Variants in DPYD observed in about 807,000 individuals in gnomAD.
The protein encoded by DPYD is dihydropyrimidine dehydrogenase, also known as dihydropyrimidine dehydrogenase [NADP(+)].
In DPYD, 109 loss-of-function variants were observed where a neutral mutation model predicts 116.2. The ratio of observed to expected loss-of-function variants is 0.94; its 90% CI spans 0.80 to 1.10. DPYD has a LOEUF of 1.10. Among genes scored for constraint, DPYD ranks in the 50% least tolerant of loss-of-function variants. The probability of loss-of-function intolerance (pLI) is 0.00; values close to 1 mark genes in which losing one functional copy is unlikely to be tolerated. For missense variants in DPYD, 1,302 were observed against 1,254.5 expected (o/e 1.04, Z -0.57); for synonymous variants, 440 against 432.0 (o/e 1.02, Z -0.23).
chr1:97,574,006 T>C (rs941640768), intron 10 of DPYD, 36 bp from the exon 11 acceptor site: 1 of 1,608,326 alleles, frequency 6.2e-7, no homozygotes, highest in East Asian at 2.2e-5. Context: ...AACTTGAAAA[T>C]GTTTCTTATT....
chr1:97,447,673 T>C lies in DPYD; in HGVS notation c.1905+2386A>G, dbSNP rs554126303. On this transcript the variant is annotated intron_variant, in intron 14 of 22. Coordinates refer to ENST00000370192, the MANE Select transcript of DPYD (RefSeq NM_000110.4). ...CTGAAAAGAATATTAACTATGTCTC[T>C]TCTTTCTACTCAACTGTAGAATCAC... 1.3e-5 allele frequency among the ~76,000 whole-genome samples: 2 copies of C among 152,210 alleles called. 1 individual carries two copies. The highest frequency in any genetic ancestry group is 4.1e-4 in the South Asian group (2 of 4,822).
At chr1:97,276,378 T>C (rs1350231977) in intron 18 of DPYD, among the ~76,000 whole-genome samples, 1 of 152,068 alleles carries the variant, frequency 6.6e-6, no homozygotes, top group Non-Finnish European at 1.5e-5. Flanking sequence ...GCCTACAGAA[T>C]GGGAGGAAAT....
intron 3 of DPYD, among the ~76,000 whole-genome samples, chr1:97,784,060 T>C (rs1557958802): frequency 6.6e-6 from 1 of 152,196 alleles, no homozygotes; most frequent in Admixed American, 6.5e-5. Context: ...ATAGAAGTAA[T>C]AGGTTATAAG....
chr1:97,261,880 T>C (rs946981865), intron 18 of DPYD, among the ~76,000 whole-genome samples: 1 of 152,050 alleles, frequency 6.6e-6, no homozygotes, highest in Non-Finnish European at 1.5e-5. Context: ...GACTTCTACC[T>C]GATAATTCCT....
intron 5 of DPYD, among the ~76,000 whole-genome samples, chr1:97,718,828 T>C (rs1003845826): frequency 1.3e-4 from 20 of 151,988 alleles, no homozygotes; most frequent in African/African-American, 4.8e-4. Context: ...AAATAATATA[T>C]AATTCTTTCA....
At chr1:97,155,730 T>G (rs751662372) in intron 20 of DPYD, among the ~76,000 whole-genome samples, 2 of 147,996 alleles carry the variant, frequency 1.4e-5, no homozygotes, top group Non-Finnish European at 3.0e-5. Context: ...TTTGTGCTAG[T>G]TATCTTTTTT....
At chr1:97,902,532 A>G (rs1673418051) in intron 1 of DPYD, among the ~76,000 whole-genome samples, 1 of 151,802 alleles carries the variant, frequency 6.6e-6, no homozygotes, top group Admixed American at 6.6e-5. Flanking sequence ...ATGTCAAGTA[A>G]TTCTTTAATC....
chr1:97,780,488 A>G (rs987478249), intron 3 of DPYD, among the ~76,000 whole-genome samples: 3 of 152,228 alleles, frequency 2.0e-5, no homozygotes, highest in African/African-American at 7.2e-5. Flanking sequence ...AGTTTTAATC[A>G]AGAGAGTTCT....
chr1:97,311,727 A>T (rs2101059672), intron 16 of DPYD, among the ~76,000 whole-genome samples: 1 of 152,006 alleles, frequency 6.6e-6, no homozygotes, highest in East Asian at 1.9e-4. Flanking sequence ...AATGAAAAAT[A>T]AATGGTAATA....
chr1:97,335,119 C>T (rs1669216852), intron 16 of DPYD, among the ~76,000 whole-genome samples: 1 of 152,108 alleles, frequency 6.6e-6, no homozygotes, highest in South Asian at 2.1e-4. Flanking sequence ...GAAAACTTTG[C>T]TGTCAGCTTT....
intron 13 of DPYD, among the ~76,000 whole-genome samples, chr1:97,459,435 C>A (rs1676894293): frequency 6.6e-6 from 1 of 151,760 alleles, no homozygotes; most frequent in South Asian, 2.1e-4. Context: ...AGATTCCAGA[C>A]AACAACAAAC....
At chr1:97,093,187 A>T (rs1489968120) in intron 21 of DPYD, among the ~76,000 whole-genome samples, 1 of 152,166 alleles carries the variant, frequency 6.6e-6, no homozygotes, top group African/African-American at 2.4e-5. Context: ...GTGATTCCTT[A>T]ATATCTGTCT....
intron 8 of DPYD, among the ~76,000 whole-genome samples, chr1:97,631,313 G>T (rs552876748): frequency 2.0e-4 from 30 of 152,204 alleles, no homozygotes; most frequent in African/African-American, 7.2e-4. Flanking sequence ...AATCAGGCTG[G>T]CTTAAAGCAT....
At chr1:97,534,591 C>T (rs1649860093) in intron 12 of DPYD, among the ~76,000 whole-genome samples, 1 of 151,912 alleles carries the variant, frequency 6.6e-6, no homozygotes, top group Admixed American at 6.6e-5. Context: ...TTATTCTTTT[C>T]TTTATCTCTT....
chr1:97,418,071 A>G (rs1188969669), intron 14 of DPYD, among the ~76,000 whole-genome samples: 1 of 152,188 alleles, frequency 6.6e-6, no homozygotes, highest in East Asian at 1.9e-4. Flanking sequence ...GATTTAGTAA[A>G]TAAGTTAACA....
chr1:97,130,751 C>CCCTTCCTTCCTTCCTTCCTT (rs71071633), intron 20 of DPYD, among the ~76,000 whole-genome samples: 1 of 105,718 alleles, frequency 9.5e-6, no homozygotes, highest in South Asian at 3.1e-4. Flanking sequence ...TCTTCTTTCT[C>CCCTTCCTTCCTTCCTTCCTT]CCTTCCTTCC....
intron 20 of DPYD, among the ~76,000 whole-genome samples, chr1:97,191,535 C>CAAACTATT (rs2101820544): frequency 6.6e-6 from 1 of 152,248 alleles, no homozygotes; most frequent in South Asian, 2.1e-4. Flanking sequence ...AATCTTGATT[C>CAAACTATT]AAACTATTAC....
chr1:97,128,036 A>G (rs1652981160), intron 20 of DPYD, among the ~76,000 whole-genome samples: 1 of 152,178 alleles, frequency 6.6e-6, no homozygotes, highest in African/African-American at 2.4e-5. Flanking sequence ...TTCATGCTGG[A>G]GTGCAGGTTC....
chr1:97,641,687 T>G (rs544532846), intron 8 of DPYD, among the ~76,000 whole-genome samples: 4 of 152,196 alleles, frequency 2.6e-5, no homozygotes, highest in Admixed American at 6.5e-5. Context: ...TGAAAACCAG[T>G]AGAAGACAAG....
Sources: allele counts gnomAD v4.1 joint callset (sites outside exome capture counted in the v4.1 genomes callset), GRCh38; gene constraint gnomAD v4.1.1; transcripts MANE v1.5; gene names NCBI Gene and HGNC (gene_info 2026-07-23, HGNC 2026-07-21).